WWOX: variants seen among roughly 807,000 people sequenced by gnomAD.
WWOX encodes the protein WW domain containing oxidoreductase, also known as WW domain-containing oxidoreductase.
WWOX carries 69 observed loss-of-function variants against 46.2 expected under a neutral mutation model. That is an observed-to-expected ratio of 1.49 (90% CI 1.23 to 1.82). The LOEUF (loss-of-function observed/expected upper bound fraction) is 1.82. Among genes scored for constraint, WWOX ranks in the 40% most tolerant of loss-of-function variants. The pLI, the probability that WWOX is intolerant of heterozygous loss-of-function variation, is 0.00. For missense variants in WWOX, 919 were observed against 542.6 expected (o/e 1.69, Z -6.89); for synonymous variants, 359 against 202.6 (o/e 1.77, Z -6.56).
chr16:78,258,707 CAAAAAAAAAAAAAA>C (rs11396946), intron 5 of WWOX, among the ~76,000 whole-genome samples: 2 of 69,590 alleles, frequency 2.9e-5, no homozygotes, highest in Admixed American at 1.9e-4. Flanking sequence ...TTCCTCCCTC[CAAAAAAAAAAAAAA>C]AAAAAAAAAA....
At chr16:78,765,561 C>T (rs529135476) in intron 8 of WWOX, among the ~76,000 whole-genome samples, 157 of 152,164 alleles carry the variant, frequency 1.0e-3, no homozygotes, top group African/African-American at 3.6e-3. Context: ...CGCCTGTAAT[C>T]CTGGCTACTC....
At chr16:78,929,135 C>T (rs1262330274) in intron 8 of WWOX, among the ~76,000 whole-genome samples, 2 of 152,210 alleles carry the variant, frequency 1.3e-5, no homozygotes, top group African/African-American at 4.8e-5. Flanking sequence ...TCAAGAAATC[C>T]ATTTAAGAAT....
chr16:78,384,543 A>G lies in WWOX; in HGVS notation c.517-2317A>G, dbSNP rs143986620. ...GGTGTGACTTCACCACATGCCTTCAATATTCTTGGTGGCAGTTGCCCTCTT... is the reference window on the plus strand; with the variant it reads ...GGTGTGACTTCACCACATGCCTTCAGTATTCTTGGTGGCAGTTGCCCTCTT... On this transcript the variant is annotated intron_variant, in intron 5 of 8. Coordinates refer to ENST00000566780, the MANE Select transcript of WWOX (RefSeq NM_016373.4). 5.1e-4 allele frequency among the ~76,000 whole-genome samples: 77 copies of G among 152,220 alleles called. 1 individual carries two copies. The highest frequency in any genetic ancestry group is 8.4e-4 in the Non-Finnish European group (57 of 68,016).
intron 8 of WWOX, among the ~76,000 whole-genome samples, chr16:78,908,453 C>G (rs529049429): frequency 6.6e-5 from 10 of 151,372 alleles, no homozygotes; most frequent in Admixed American, 3.3e-4. Context: ...GGCAGGAGAA[C>G]TGCTTGAACC....
rs8058177 is a variant in WWOX, at chr16:78,629,348, G to C, written c.1056+196596G>C. Among the ~76,000 whole-genome samples the C allele has an allele frequency of 8.4e-3, 1,281 of 151,836 alleles. 16 individuals are homozygous for C. The highest frequency in any genetic ancestry group is 0.028 in the African/African-American group (1,172 of 41,366). On this transcript the variant is annotated intron_variant, in intron 8 of 8. Coordinates refer to ENST00000566780, the MANE Select transcript of WWOX (RefSeq NM_016373.4). ...GCAATGTAGGGTGAATTCCAAATCT[G>C]TGAGTTAGTGCCGTATATAGCAGTG...
intron 8 of WWOX, among the ~76,000 whole-genome samples, chr16:78,904,497 A>G (rs1258955322): frequency 6.6e-6 from 1 of 152,010 alleles, no homozygotes; most frequent in Non-Finnish European, 1.5e-5. Flanking sequence ...CCAGCCTCCC[A>G]AAGTGCTGGG....
At chr16:78,572,223 G>A (rs1347127420) in intron 8 of WWOX, among the ~76,000 whole-genome samples, 1 of 152,138 alleles carries the variant, frequency 6.6e-6, no homozygotes, top group Non-Finnish European at 1.5e-5. Context: ...TTCCTGCATA[G>A]GAGATAGCAG....
chr16:78,558,539 A>G (rs958501630), intron 8 of WWOX, among the ~76,000 whole-genome samples: 3 of 152,216 alleles, frequency 2.0e-5, no homozygotes, highest in South Asian at 2.1e-4. Flanking sequence ...GTGGTTTGCC[A>G]TAGTACCCAT....
intron 8 of WWOX, among the ~76,000 whole-genome samples, chr16:78,507,585 A>G (rs762458533): frequency 1.6e-4 from 24 of 152,216 alleles, no homozygotes; most frequent in Non-Finnish European, 2.9e-4. Flanking sequence ...GTAAGCAGGC[A>G]TGCAACATCA....
At chr16:78,724,592 C>T (rs1378706109) in intron 8 of WWOX, among the ~76,000 whole-genome samples, 1 of 152,198 alleles carries the variant, frequency 6.6e-6, no homozygotes, top group Non-Finnish European at 1.5e-5. Flanking sequence ...CATTGACCCA[C>T]TTATGTGTAG....
At chr16:78,292,042 TG>T (rs2079867782) in intron 5 of WWOX, among the ~76,000 whole-genome samples, 2 of 151,470 alleles carry the variant, frequency 1.3e-5, no homozygotes, top group African/African-American at 4.9e-5. Context: ...GTATGGCTTA[TG>T]AGATGAGGAT....
chr16:78,357,088 G>A (rs1371832912), intron 5 of WWOX, among the ~76,000 whole-genome samples: 1 of 152,212 alleles, frequency 6.6e-6, no homozygotes, highest in Non-Finnish European at 1.5e-5. Flanking sequence ...TGCTGGCCAG[G>A]AGACACCAGG....
intron 5 of WWOX, among the ~76,000 whole-genome samples, chr16:78,322,559 C>A (rs62034373): frequency 5.3e-5 from 8 of 152,092 alleles, no homozygotes. Context: ...CCCCTAGCAT[C>A]GTACAGTCAG....
At chr16:78,413,260 G>T (rs962822262) in intron 6 of WWOX, among the ~76,000 whole-genome samples, 1 of 152,120 alleles carries the variant, frequency 6.6e-6, no homozygotes, top group African/African-American at 2.4e-5. Flanking sequence ...GAGTGATCTG[G>T]GAGTGCTGAT....
chr16:78,764,657 A>T (rs1163154605), intron 8 of WWOX, among the ~76,000 whole-genome samples: 3 of 148,660 alleles, frequency 2.0e-5, no homozygotes, highest in African/African-American at 7.4e-5. Context: ...TACCTTTGAT[A>T]ACCAAGACAA....
intron 4 of WWOX, among the ~76,000 whole-genome samples, chr16:78,139,471 C>T (rs1436268586): frequency 6.6e-6 from 1 of 152,062 alleles, no homozygotes; most frequent in Non-Finnish European, 1.5e-5. Flanking sequence ...TGGTGAAACC[C>T]CTTCTCTACT....
chr16:78,511,682 C>T lies in WWOX; in HGVS notation c.1056+78930C>T, dbSNP rs578191151. ...AAGTGTCAATATCTGTAGTACCCCC[C>T]GCCTAGGGTGCTGCTAATAAAATGC... On this transcript the variant is annotated intron_variant, in intron 8 of 8. Coordinates refer to ENST00000566780, the MANE Select transcript of WWOX (RefSeq NM_016373.4). Among the ~76,000 whole-genome samples the T allele has an allele frequency of 8.9e-4, 135 of 152,268 alleles. 1 individual carries two copies. The South Asian group carries it at 0.026, about 29-fold the overall frequency.
chr16:78,418,905 C>G (rs895036116), intron 6 of WWOX, among the ~76,000 whole-genome samples: 2 of 152,114 alleles, frequency 1.3e-5, no homozygotes, highest in South Asian at 4.2e-4. Flanking sequence ...TATTCACTCT[C>G]ATCACTTTAA....
chr16:78,242,367 G>T (rs1342554820), intron 5 of WWOX, among the ~76,000 whole-genome samples: 1 of 152,148 alleles, frequency 6.6e-6, no homozygotes, highest in Non-Finnish European at 1.5e-5. Context: ...ACTTTATAAA[G>T]CTACATTCTT....
Sources: allele counts gnomAD v4.1 joint callset (sites outside exome capture counted in the v4.1 genomes callset), GRCh38; gene constraint gnomAD v4.1.1; transcripts MANE v1.5; gene names NCBI Gene and HGNC (gene_info 2026-07-23, HGNC 2026-07-21).